Variants in BDP1 observed in about 807,000 individuals in gnomAD.
BDP1 encodes the protein transcription factor TFIIIB component B'' homolog.
Under a neutral mutation model 266.6 loss-of-function variants are expected in BDP1, and 169 were observed. The ratio of observed to expected loss-of-function variants is 0.63; its 90% confidence interval spans 0.56 to 0.72. BDP1 has a LOEUF of 0.72. BDP1 is among the 30% of genes least tolerant of loss of function. The pLI is 0.00. For synonymous variants in BDP1, 1,090 were observed against 1,022.4 expected (o/e 1.07, Z -1.26); for missense variants, 3,015 against 3,053.8 (o/e 0.99, Z 0.30).
At chr5:71,511,174 A>G in intron 17 of BDP1, 23 bp downstream of exon 17, 1 of 1,567,210 alleles carries the variant, frequency 6.4e-7, no homozygotes, top group Non-Finnish European at 8.6e-7. Flanking sequence ...CTGTCCTTTA[A>G]AAGTTTTTTG....
intron 13 of BDP1, among the ~76,000 whole-genome samples, chr5:71,501,147 C>T (rs1764208443): frequency 1.3e-5 from 2 of 151,904 alleles, no homozygotes; most frequent in Non-Finnish European, 2.9e-5. Context: ...AGAAAATCTC[C>T]TCTAGTTAGA....
At chr5:71,479,835 C>T (rs1014514894) in intron 7 of BDP1, among the ~76,000 whole-genome samples, 29 of 152,142 alleles carry the variant, frequency 1.9e-4, no homozygotes, top group Non-Finnish European at 3.5e-4. Context: ...CGTGAGCCAC[C>T]GTGCCCAGCC....
At chr5:71,457,910 T>C (rs1038805575) in intron 1 of BDP1, among the ~76,000 whole-genome samples, 2 of 152,222 alleles carry the variant, frequency 1.3e-5, no homozygotes, top group African/African-American at 4.8e-5. Context: ...AATACTTATA[T>C]CTGAGGTATA....
chr5:71,488,896 T>TG (rs956045715), intron 9 of BDP1, among the ~76,000 whole-genome samples: 6 of 150,224 alleles, frequency 4.0e-5, no homozygotes, highest in African/African-American at 1.5e-4. Flanking sequence ...TTGGTAGAGA[T>TG]GGGGTTTCAC....
chr5:71,559,047 G>A (rs191408042), intron 36 of BDP1, among the ~76,000 whole-genome samples: 5 of 151,520 alleles, frequency 3.3e-5, no homozygotes, highest in African/African-American at 7.3e-5. Flanking sequence ...CCAGCTACTC[G>A]GGAGGCTGAG....
rs111669141 is a variant in BDP1, at chr5:71,459,651, TC to T, written c.489+797del. 5.1e-3 allele frequency among the ~76,000 whole-genome samples: 778 copies of T among 152,330 alleles called. 9 individuals carry two copies. Among genetic ancestry groups the T allele is most frequent in the African/African-American group, 0.017 (726 of 41,574 alleles). ...TTTAATCTTGAGGATTGATTTCTTT[TC>T]TAGAAGGGCAGGTAACAGCAGTAGA... On this transcript the variant is annotated intron_variant, in intron 2 of 38. Transcript: ENST00000358731.
chr5:71,513,848 T>G (rs1765079564), intron 19 of BDP1, among the ~76,000 whole-genome samples: 1 of 152,084 alleles, frequency 6.6e-6, no homozygotes, highest in African/African-American at 2.4e-5. Flanking sequence ...GCCTCCTGAA[T>G]GCTGGGACTA....
chr5:71,469,390 C>T (rs1434017889), intron 6 of BDP1, among the ~76,000 whole-genome samples: 1 of 151,990 alleles, frequency 6.6e-6, no homozygotes, highest in Non-Finnish European at 1.5e-5. Flanking sequence ...CTGCCCGCCT[C>T]GGCCTCCCAA....
chr5:71,506,530 A>G (rs1764585142), intron 16 of BDP1, among the ~76,000 whole-genome samples: 1 of 152,098 alleles, frequency 6.6e-6, no homozygotes, highest in Non-Finnish European at 1.5e-5. Flanking sequence ...TAATCCCAGC[A>G]CTTTGGGAGG....
At chr5:71,486,872 G>A (rs1296442271) in intron 9 of BDP1, among the ~76,000 whole-genome samples, 1 of 152,158 alleles carries the variant, frequency 6.6e-6, no homozygotes, top group Non-Finnish European at 1.5e-5. Flanking sequence ...GATAGTTGTA[G>A]CCAGTCAAAG....
At chr5:71,530,490 A>G (rs2150531741) in intron 25 of BDP1, among the ~76,000 whole-genome samples, 1 of 151,858 alleles carries the variant, frequency 6.6e-6, no homozygotes, top group South Asian at 2.1e-4. Context: ...ACAATCTGCC[A>G]ACCTCAGCCT....
intron 25 of BDP1, among the ~76,000 whole-genome samples, chr5:71,531,583 A>G (rs1386793050): frequency 1.3e-5 from 2 of 152,088 alleles, no homozygotes; most frequent in Non-Finnish European, 2.9e-5. Context: ...ATCTCGGCTC[A>G]ATGCAACCTC....
At chr5:71,508,584 C>T (rs559658876) in intron 16 of BDP1, among the ~76,000 whole-genome samples, 3 of 152,056 alleles carry the variant, frequency 2.0e-5, no homozygotes, top group East Asian at 1.9e-4. Flanking sequence ...ATGCCCAGCT[C>T]AATACGTCTT....
intron 36 of BDP1, 32 bp downstream of exon 36, chr5:71,556,957 T>C: frequency 7.9e-7 from 1 of 1,270,600 alleles, no homozygotes; most frequent in Non-Finnish European, 1.1e-6. Context: ...ATGATTGCAT[T>C]TTGCTAAATA....
chr5:71,501,753 T>C (rs1265871486), intron 14 of BDP1, 100 bp downstream of exon 14: 1 of 744,154 alleles, frequency 1.3e-6, no homozygotes, highest in Admixed American at 2.6e-5. Context: ...TGAATTTAAT[T>C]TTCAAGCAGC....
intron 21 of BDP1, among the ~76,000 whole-genome samples, chr5:71,516,603 T>C (rs1016753646): frequency 6.6e-5 from 10 of 152,244 alleles, no homozygotes; most frequent in Non-Finnish European, 1.2e-4. Context: ...TGCACACTTA[T>C]GCAAATTTAA....
chr5:71,497,531 T>G (rs1270493751), intron 13 of BDP1, 105 bp downstream of exon 13: 2 of 777,794 alleles, frequency 2.6e-6, no homozygotes, highest in East Asian at 5.4e-5. Flanking sequence ...GTTACTGATA[T>G]TAAAACAGAT....
rs530381242 is a variant in BDP1, at chr5:71,526,014, G to T, written c.5772+1691G>T. 1.6e-3 allele frequency among the ~76,000 whole-genome samples: 235 copies of T among 151,500 alleles called. 4 individuals carry two copies. The highest frequency in any genetic ancestry group is 2.4e-3 in the Non-Finnish European group (162 of 67,828). ...AGACGATGGGCGGCCAGGCAGAGAC[G>T]CTCCTCACTTCCCAGACGGGGTGGC... is the stretch of plus-strand genomic sequence containing the variant. On this transcript the variant is annotated intron_variant, in intron 25 of 38. Transcript: ENST00000358731.
At chr5:71,570,530 C>T (rs1744232592), downstream of BDP1, among the ~76,000 whole-genome samples, 1 of 152,208 alleles carries the variant, frequency 6.6e-6, no homozygotes, top group Non-Finnish European at 1.5e-5. Context: ...AGGTGTCATG[C>T]AACACTTTAG....
Sources: allele counts gnomAD v4.1 joint callset (sites outside exome capture counted in the v4.1 genomes callset), GRCh38; gene constraint gnomAD v4.1.1; transcripts MANE v1.5; gene names NCBI Gene and HGNC (gene_info 2026-07-23, HGNC 2026-07-21).